The following PHACTR1 variants were observed in gnomAD, a reference collection of about 807,000 sequenced individuals.
PHACTR1 encodes the protein phosphatase and actin regulator 1, also known as RPEL repeat containing 1.
In PHACTR1, 16 loss-of-function variants were observed where a neutral mutation model predicts 69.2. The ratio of observed to expected loss-of-function variants is 0.23; its 90% CI spans 0.16 to 0.35. The LOEUF is 0.35. PHACTR1 is among the 10% of genes least tolerant of loss of function. PHACTR1 has a pLI of 1.00. For synonymous variants in PHACTR1, 312 were observed against 284.5 expected (o/e 1.10, Z -0.97); for missense variants, 510 against 734.7 (o/e 0.69, Z 3.54).
chr6:13,219,784 A>G (rs1327499824), intron 8 of PHACTR1, among the ~76,000 whole-genome samples: 1 of 152,214 alleles, frequency 6.6e-6, no homozygotes, highest in East Asian at 1.9e-4. Context: ...TTTTTGTTAT[A>G]AAAATATTAT....
Position 13,271,168 on chromosome 6 carries a change from C to G in PHACTR1, c.1392-1692C>G, listed in dbSNP as rs1777627956. Among the ~76,000 whole-genome samples, 4 of 151,874 alleles carry G rather than the reference C, an allele frequency of 2.6e-5. No homozygotes were observed. The South Asian group carries it at 8.3e-4, about 32-fold the overall frequency. On this transcript the variant is annotated intron_variant, in intron 10 of 14. Transcript: ENST00000332995. ...GGATTACAGGCATGTGCCACCATGC[C>G]CGGCTAATTTTTGTATTTTTAATAG...
chr6:13,231,604 G>T (rs1014257825), intron 10 of PHACTR1, among the ~76,000 whole-genome samples: 2 of 152,196 alleles, frequency 1.3e-5, no homozygotes, highest in Non-Finnish European at 2.9e-5. Flanking sequence ...CGGTTAAGTG[G>T]TTGGTAGTGA....
At chr6:12,868,408 A>AT (rs555822141) in intron 4 of PHACTR1, among the ~76,000 whole-genome samples, 340 of 152,210 alleles carry the variant, frequency 2.2e-3, no homozygotes, top group Non-Finnish European at 3.4e-3. Context: ...CTAAAGATGC[A>AT]TTTGGCATGA....
chr6:13,218,663 A>T (rs1383972699), intron 8 of PHACTR1, among the ~76,000 whole-genome samples: 2 of 152,024 alleles, frequency 1.3e-5, no homozygotes, highest in Non-Finnish European at 2.9e-5. Flanking sequence ...CTACAAAAAA[A>T]ATCAAAAAAT....
intron 5 of PHACTR1, among the ~76,000 whole-genome samples, chr6:13,054,836 G>A (rs1483104833): frequency 6.6e-6 from 1 of 152,146 alleles, no homozygotes; most frequent in East Asian, 1.9e-4. Flanking sequence ...CTAATCACGT[G>A]TCCAGTCATT....
intron 3 of PHACTR1, among the ~76,000 whole-genome samples, chr6:12,730,669 A>G (rs149215414): frequency 1.3e-5 from 2 of 152,308 alleles, no homozygotes; most frequent in African/African-American, 4.8e-5. Context: ...TTGTGTCATG[A>G]GGGTTTGTTG....
intron 4 of PHACTR1, among the ~76,000 whole-genome samples, chr6:12,958,387 A>G (rs1792175992): frequency 6.6e-6 from 1 of 152,222 alleles, no homozygotes; most frequent in Non-Finnish European, 1.5e-5. Context: ...AAGAGACAGG[A>G]AAGGAAAAAT....
At chr6:12,744,169 GA>G (rs35759933) in intron 3 of PHACTR1, among the ~76,000 whole-genome samples, 45,726 of 151,966 alleles carry the variant, frequency 0.3, 7,734 homozygotes, top group Middle Eastern at 0.45. Flanking sequence ...GACAAGGTAT[GA>G]GGCCAGTTTT....
At chr6:12,916,025 G>A (rs1037688300) in intron 4 of PHACTR1, among the ~76,000 whole-genome samples, 5 of 152,188 alleles carry the variant, frequency 3.3e-5, no homozygotes, top group Admixed American at 6.5e-5. Flanking sequence ...AAAACTGTGC[G>A]TGGAGAAAAG....
At chr6:12,982,571 C>T (rs1050268673) in intron 4 of PHACTR1, among the ~76,000 whole-genome samples, 2 of 152,068 alleles carry the variant, frequency 1.3e-5, no homozygotes, top group African/African-American at 2.4e-5. Context: ...CCCAGCTACT[C>T]GGGAGGCTGA....
chr6:13,088,037 G>T (rs1812596676), intron 5 of PHACTR1, among the ~76,000 whole-genome samples: 1 of 151,992 alleles, frequency 6.6e-6, no homozygotes, highest in East Asian at 1.9e-4. Flanking sequence ...TTGATGACAG[G>T]TAAGAGAGAA....
chr6:12,837,086 T>C (rs1778244340), intron 4 of PHACTR1, among the ~76,000 whole-genome samples: 1 of 152,172 alleles, frequency 6.6e-6, no homozygotes, highest in South Asian at 2.1e-4. Flanking sequence ...AGTCTTTCTC[T>C]GCTACAAACC....
chr6:13,066,558 A>G (rs1583208271), intron 5 of PHACTR1, among the ~76,000 whole-genome samples: 5 of 152,262 alleles, frequency 3.3e-5, no homozygotes. Context: ...TGGGTTATCT[A>G]TTGCTGTGTT....
chr6:13,177,174 A>T (rs1208918336), intron 6 of PHACTR1, among the ~76,000 whole-genome samples: 50 of 41,892 alleles, frequency 1.2e-3, no homozygotes, highest in African/African-American at 2.9e-3. Flanking sequence ...CCCATCTCTA[A>T]AAAAAAAAAA....
chr6:12,972,900 C>G (rs1794408547), intron 4 of PHACTR1, among the ~76,000 whole-genome samples: 2 of 152,184 alleles, frequency 1.3e-5, no homozygotes, highest in African/African-American at 4.8e-5. Flanking sequence ...ATCCACCTGC[C>G]TTGGCCTCCC....
At chr6:13,070,002 C>T (rs1234390054) in intron 5 of PHACTR1, among the ~76,000 whole-genome samples, 1 of 152,142 alleles carries the variant, frequency 6.6e-6, no homozygotes, top group Admixed American at 6.5e-5. Context: ...TTGGCAAGTC[C>T]AACTTCTGCC....
chr6:12,867,914 C>G (rs1308775895), intron 4 of PHACTR1, among the ~76,000 whole-genome samples: 1 of 152,062 alleles, frequency 6.6e-6, no homozygotes, highest in East Asian at 1.9e-4. Context: ...TTTAGACTAA[C>G]ATTGCCACAG....
intron 4 of PHACTR1, among the ~76,000 whole-genome samples, chr6:12,804,702 G>C (rs6458473): frequency 0.37 from 56,501 of 151,876 alleles, 11,311 homozygotes; most frequent in African/African-American, 0.5. Context: ...TGTGCCTGTA[G>C]TCCCAGCTAC....
At chr6:13,138,155 A>T (rs990879542) in intron 5 of PHACTR1, among the ~76,000 whole-genome samples, 1 of 152,160 alleles carries the variant, frequency 6.6e-6, no homozygotes, top group African/African-American at 2.4e-5. Flanking sequence ...GCCTTAAGGG[A>T]TGTGATGAGG....
Sources: allele counts gnomAD v4.1 joint callset (sites outside exome capture counted in the v4.1 genomes callset), GRCh38; gene constraint gnomAD v4.1.1; transcripts MANE v1.5; gene names NCBI Gene and HGNC (gene_info 2026-07-23, HGNC 2026-07-21).